The following ZNF444 variants were observed in gnomAD, a reference collection of about 807,000 sequenced individuals.
The protein encoded by ZNF444 is zinc finger protein 444.
In ZNF444, 8 loss-of-function variants were observed where a neutral mutation model predicts 14.4. That is an observed-to-expected ratio of 0.56 (90% confidence interval 0.33 to 1.00). ZNF444 has a LOEUF of 1.00. ZNF444 is among the 50% of genes least tolerant of loss of function. ZNF444 has a pLI of 0.03. For synonymous variants in ZNF444, 258 were observed against 235.9 expected (o/e 1.09, Z -0.86); for missense variants, 510 against 504.8 (o/e 1.01, Z -0.10).
At chr19:56,141,657 A>AGGGGGG (rs1386323761) in intron 1 of ZNF444, 4 of 17,958 alleles carry the variant, frequency 2.2e-4, no homozygotes, top group African/African-American at 4.3e-4. Flanking sequence ...GGGGAGGGGG[A>AGGGGGG]GGGGCGGGAC....
At chr19:56,154,253 C>T (rs2031759837) in intron 3 of ZNF444, 1 of 152,182 alleles carries the variant, frequency 6.6e-6, no homozygotes, top group Non-Finnish European at 1.5e-5. Flanking sequence ...CACTGGATTC[C>T]AGCACTTTAT....
Position 56,158,657 on chromosome 19 carries a change from G to T in ZNF444, c.406+55G>T, listed in dbSNP as rs1056479352. The T allele has an allele frequency of 5.5e-6, 8 of 1,452,444 alleles. No homozygotes were observed. The African/African-American group carries it at 8.5e-5, about 16-fold the overall frequency. The allele number at this position is 1,452,444 out of a possible 1,614,324, so 90.0% of individuals were successfully genotyped here. The stretch of plus-strand genomic sequence containing the variant: ...GCCAGCCCCCAGCACCGGGGAGGGG[G>T]TTCAGTGAACGATCCTGGCACCAGG... On this transcript the variant is annotated intron_variant, in intron 4 of 4. Coordinates refer to ENST00000337080, the MANE Select transcript of ZNF444 (RefSeq NM_018337.4).
chr19:56,158,557 C>T lies in ZNF444; in HGVS notation c.361C>T (p.Pro121Ser), dbSNP rs2032049582. The T allele has an allele frequency of 6.2e-7, 1 of 1,611,790 alleles. No homozygotes were observed. The highest frequency in any genetic ancestry group is 1.3e-5 in the African/African-American group (1 of 74,754). Residue 121 changes from proline to serine, a missense_variant, in exon 4 of 5, where the codon CCT becomes TCT. Transcript: ENST00000337080. ...GGTGCCTCAGGATGTGACGCAGGGCCCTGGGGCCACAGGTGGAAAGGAGGA... is the reference window on the plus strand; with the variant it reads ...GGTGCCTCAGGATGTGACGCAGGGCTCTGGGGCCACAGGTGGAAAGGAGGA... Reference protein sequence around the residue: ...TRVPQDVTQGPGATGGKEDSG... With the variant: ...TRVPQDVTQGSGATGGKEDSG...
Position 56,145,934 on chromosome 19 carries a change from G to C in ZNF444, c.-196-313G>C, listed in dbSNP as rs2031152494. Among the ~76,000 whole-genome samples the C allele has an allele frequency of 6.6e-6, 1 of 152,214 alleles. No homozygotes were observed. Among genetic ancestry groups the C allele is most frequent in the Non-Finnish European group, 1.5e-5 (1 of 68,046 alleles). ...GCTGGCAGAGATGGACAGAGTCCCG[G>C]TGTCCCTTTCTCTTATAAGGCCACA... is the stretch of plus-strand genomic sequence containing the variant. On this transcript the variant is annotated intron_variant, in intron 1 of 4. Coordinates refer to ENST00000337080, the MANE Select transcript of ZNF444 (RefSeq NM_018337.4). This position sits in a 1 kb window ranked among gnomAD's most constrained non-coding sequence, Gnocchi z 4.3.
rs1455416608 is a variant in ZNF444 at position 56,159,917 on chromosome 19, G to A, written c.700G>A (p.Gly234Ser). The change falls in exon 5 of 5, where the codon GGC (glycine) becomes AGC (serine). Residue 234 changes from glycine (G) to serine (S), a missense_variant. Physicochemically the swap from Gly to Ser is moderately conservative, Grantham distance 56. Transcript: ENST00000337080. ...CCGCGACACGCACCCCGGCAGCCCC[G>A]GCAGCCCCGGGCCCGCGCTGCGCCC... ...RHRDTHPGSP[G>S]SPGPALRPLP... The A allele has an allele frequency of 1.3e-6, 2 of 1,500,510 alleles. No homozygotes were observed. The highest frequency in any genetic ancestry group is 1.8e-6 in the Non-Finnish European group (2 of 1,131,472). 92.9% of individuals were successfully genotyped at this position (1,500,510 alleles called of 1,614,324 possible).
chr19:56,155,407 C>T (rs186271453), intron 3 of ZNF444: 6 of 152,538 alleles, frequency 3.9e-5, no homozygotes, highest in African/African-American at 1.2e-4. Context: ...TGGCAGAGGC[C>T]GAGCTGATGC....
intron 3 of ZNF444, chr19:56,150,534 C>T (rs1346901767): frequency 1.8e-5 from 7 of 393,686 alleles, no homozygotes; most frequent in East Asian, 1.4e-4. Context: ...AGTGTCCACA[C>T]AGACGGGAAT....
upstream of ZNF444, among the ~76,000 whole-genome samples, chr19:56,137,729 G>T (rs1025698175): frequency 6.6e-6 from 1 of 152,204 alleles, no homozygotes; most frequent in Non-Finnish European, 1.5e-5. Context: ...GGAGCTCTGG[G>T]TCTGAAGGCA....
Position 56,147,055 on chromosome 19 carries a change from G to A in ZNF444, c.144G>A (p.Trp48Ter). Residue 48 changes from tryptophan to a stop codon, truncating the protein, a stop_gained, in exon 3 of 5, where the codon TGG (tryptophan) becomes TGA (stop). Coordinates refer to ENST00000337080, the MANE Select transcript of ZNF444 (RefSeq NM_018337.4). LOFTEE classifies it high-confidence loss of function. This position sits in a 1 kb window ranked among gnomAD's most constrained non-coding sequence, Gnocchi z 5.9. The part of the protein sequence containing the change: ...LGLLRALCRD[W>*]LRPEVHTKEQ... ...TGCTCCGCGCCCTGTGCCGGGACTG[G>A]CTGCGGCCCGAGGTGCACACCAAGG... 1.3e-6 allele frequency: 2 copies of A among 1,567,966 alleles called. No individual in the cohort carries two copies. The highest frequency in any genetic ancestry group is 8.6e-7 in the Non-Finnish European group (1 of 1,162,352).
intron 3 of ZNF444, chr19:56,157,934 GC>G (rs1187395244): frequency 1.3e-5 from 2 of 152,090 alleles, no homozygotes; most frequent in Non-Finnish European, 2.9e-5. Flanking sequence ...CCTGGTTGGT[GC>G]CGTCCTGCTT....
upstream of ZNF444, among the ~76,000 whole-genome samples, chr19:56,139,143 G>T (rs2030679821): frequency 6.6e-6 from 1 of 151,810 alleles, no homozygotes; most frequent in African/African-American, 2.4e-5. Context: ...AAATGATTAA[G>T]ATGGTAATTT....
At chr19:56,159,337 T>TAG (rs1568565647) in intron 4 of ZNF444, among the ~76,000 whole-genome samples, 28 of 150,782 alleles carry the variant, frequency 1.9e-4, no homozygotes, top group Admixed American at 1.8e-3. Flanking sequence ...CCATCATCGG[T>TAG]CCATTCATCA....
intron 4 of ZNF444, among the ~76,000 whole-genome samples, chr19:56,159,382 C>T (rs2032123564): frequency 6.6e-6 from 1 of 152,054 alleles, no homozygotes; most frequent in African/African-American, 2.4e-5. Flanking sequence ...CATCTACCCA[C>T]GCATTCATCT....
chr19:56,140,616 A>G (rs2030737579), upstream of ZNF444, among the ~76,000 whole-genome samples: 1 of 152,146 alleles, frequency 6.6e-6, no homozygotes, highest in East Asian at 1.9e-4. Context: ...ACAGGAGGGC[A>G]GCCTGCTCAC....
At chr19:56,133,073 G>T (rs1360446024) in intron 1 of ZNF444, among the ~76,000 whole-genome samples, 2 of 151,320 alleles carry the variant, frequency 1.3e-5, no homozygotes, top group Admixed American at 1.3e-4. Context: ...AAGTAGCTGG[G>T]ATTACAGGCA....
rs2032182737 is a variant in ZNF444 at position 56,159,963 on chromosome 19, C to A, written c.746C>A (p.Pro249His). 2 of 1,509,276 alleles carry A rather than the reference C, an allele frequency of 1.3e-6. No homozygotes were observed. Among genetic ancestry groups the A allele is most frequent in the African/African-American group, 1.4e-5 (1 of 69,436 alleles). The allele number at this position is 1,509,276 out of a possible 1,614,324, so 93.5% of individuals were successfully genotyped here. ...ALRPLPAREK[P>H]HACCECGKTF... is the part of the protein sequence containing the mutation. ...CGCCCTCTGCCCGCCCGTGAGAAGC[C>A]CCACGCGTGCTGCGAGTGTGGCAAG... is the stretch of plus-strand genomic sequence containing the variant. The change falls in exon 5 of 5, where the codon CCC (proline) becomes CAC (histidine). Residue 249 changes from proline (P) to histidine (H), a missense_variant. Coordinates refer to ENST00000337080, the MANE Select transcript of ZNF444 (RefSeq NM_018337.4).
chr19:56,140,685 C>CA (rs3834637), upstream of ZNF444, among the ~76,000 whole-genome samples: 1,631 of 150,264 alleles, frequency 0.011, 42 homozygotes, highest in East Asian at 0.11. Context: ...AGAGGGAGGA[C>CA]AAAAAAAAAT....
chr19:56,158,844 C>T (rs1397380255), intron 4 of ZNF444, among the ~76,000 whole-genome samples: 2 of 151,916 alleles, frequency 1.3e-5, no homozygotes, highest in South Asian at 2.1e-4. Context: ...CTCCACCTAT[C>T]CATTCCTCTA....
chr19:56,153,698 G>A (rs2031726017), intron 3 of ZNF444, among the ~76,000 whole-genome samples: 1 of 152,212 alleles, frequency 6.6e-6, no homozygotes, highest in African/African-American at 2.4e-5. Context: ...TGCCAATCGG[G>A]GAAGTGCAGA....
Sources: gnomAD v4.1 joint callset for allele counts (sites outside exome capture counted in the v4.1 genomes callset) on GRCh38, gnomAD v4.1.1 for gene constraint, Gnocchi (gnomAD v3.1) non-coding constraint, MANE v1.5 for transcripts, NCBI Gene and HGNC (gene_info 2026-07-23, HGNC 2026-07-21) for gene names.